The following CLVS1 variants were observed in gnomAD, a reference collection of about 807,000 sequenced individuals.
CLVS1 encodes the protein clavesin-1.
In CLVS1, 10 loss-of-function variants were observed where a neutral mutation model predicts 33.1. That is an observed-to-expected ratio of 0.30 (90% CI 0.19 to 0.51). CLVS1 has a LOEUF of 0.51. CLVS1 is among the 20% of genes least tolerant of loss of function. The probability of loss-of-function intolerance (pLI) is 0.97; values close to 1 mark genes in which losing one functional copy is unlikely to be tolerated. For synonymous variants in CLVS1, 163 were observed against 166.1 expected (o/e 0.98, Z 0.14); for missense variants, 343 against 433.4 (o/e 0.79, Z 1.85).
At chr8:61,143,017 GTTTTCTC>G (rs1806338436) in intron 2 of CLVS1, among the ~76,000 whole-genome samples, 1 of 152,100 alleles carries the variant, frequency 6.6e-6, no homozygotes, top group Non-Finnish European at 1.5e-5. Context: ...GAGTTAAATT[GTTTTCTC>G]TTCAGCTATT....
At chr8:61,251,674 C>T (rs1808952101) in intron 2 of CLVS1, among the ~76,000 whole-genome samples, 1 of 152,104 alleles carries the variant, frequency 6.6e-6, no homozygotes, top group African/African-American at 2.4e-5. Flanking sequence ...TTATCCATTT[C>T]TTCTATGTTT....
At chr8:61,299,212 G>A (rs940728471) in intron 1 of CLVS1, among the ~76,000 whole-genome samples, 1 of 152,146 alleles carries the variant, frequency 6.6e-6, no homozygotes, top group Non-Finnish European at 1.5e-5. Context: ...AGTGGGGGAA[G>A]GGTTATTTCT....
chr8:61,331,875 A>G (rs187043302), intron 2 of CLVS1, among the ~76,000 whole-genome samples: 63 of 136,494 alleles, frequency 4.6e-4, no homozygotes, highest in Non-Finnish European at 4.8e-4. Context: ...CTTTTCCTGT[A>G]AGCTTGTTTG....
intron 1 of CLVS1, among the ~76,000 whole-genome samples, chr8:61,113,334 C>T (rs992543455): frequency 6.6e-6 from 1 of 152,130 alleles, no homozygotes; most frequent in Non-Finnish European, 1.5e-5. Flanking sequence ...GCTGCTGAGT[C>T]CTAGAGAATG....
chr8:61,170,522 T>C (rs1348855628), intron 2 of CLVS1, among the ~76,000 whole-genome samples: 1 of 152,222 alleles, frequency 6.6e-6, no homozygotes, highest in East Asian at 1.9e-4. Context: ...AAGAATTCCT[T>C]ATATGGTGCC....
At chr8:61,102,801 G>A (rs1805474175) in intron 1 of CLVS1, among the ~76,000 whole-genome samples, 2 of 152,196 alleles carry the variant, frequency 1.3e-5, no homozygotes, top group African/African-American at 4.8e-5. Context: ...AGAAAGAGAA[G>A]TGAGAGGAAA....
chr8:61,034,993 CT>C, the CLVS1 span, among the ~76,000 whole-genome samples: 2 of 152,188 alleles, frequency 1.3e-5, no homozygotes, highest in South Asian at 4.2e-4. Context: ...GAAAAGCGTC[CT>C]TGAGGGTGAA....
At chr8:61,278,216 C>T (rs1019257303) in intron 2 of CLVS1, among the ~76,000 whole-genome samples, 1 of 152,190 alleles carries the variant, frequency 6.6e-6, no homozygotes, top group Non-Finnish European at 1.5e-5. Context: ...TCTGATCTCC[C>T]ACAATAAACA....
At chr8:61,304,241 C>T (rs1810535047) in intron 2 of CLVS1, among the ~76,000 whole-genome samples, 1 of 152,152 alleles carries the variant, frequency 6.6e-6, no homozygotes, top group Non-Finnish European at 1.5e-5. Context: ...CATCTGGACC[C>T]AGACACATGG....
At chr8:61,151,839 C>T (rs1011727663) in intron 2 of CLVS1, among the ~76,000 whole-genome samples, 2 of 152,126 alleles carry the variant, frequency 1.3e-5, no homozygotes, top group African/African-American at 4.8e-5. Flanking sequence ...AAATATAAGG[C>T]CCCTTCCTTG....
intron 2 of CLVS1, among the ~76,000 whole-genome samples, chr8:61,251,281 A>T (rs753290607): frequency 6.6e-6 from 1 of 152,122 alleles, no homozygotes; most frequent in Non-Finnish European, 1.5e-5. Flanking sequence ...CATCATGTGG[A>T]TAAGTTTTTG....
intron 2 of CLVS1, among the ~76,000 whole-genome samples, chr8:61,346,802 G>A (rs967810446): frequency 7.2e-5 from 11 of 152,158 alleles, no homozygotes; most frequent in African/African-American, 2.7e-4. Flanking sequence ...ATCTAACTGT[G>A]TAAGCACAAA....
At chr8:61,184,342 C>T (rs907158849) in intron 2 of CLVS1, among the ~76,000 whole-genome samples, 7 of 152,176 alleles carry the variant, frequency 4.6e-5, no homozygotes, top group African/African-American at 1.4e-4. Flanking sequence ...TTTCCAAAGG[C>T]TTAATCCTGT....
intron 2 of CLVS1, among the ~76,000 whole-genome samples, chr8:61,234,380 C>G (rs1447784530): frequency 6.6e-6 from 1 of 152,158 alleles, no homozygotes; most frequent in Non-Finnish European, 1.5e-5. Flanking sequence ...ATCACAATAG[C>G]TTACATTTCC....
chr8:61,357,457 C>G (rs1165543207), intron 2 of CLVS1, among the ~76,000 whole-genome samples: 1 of 116,388 alleles, frequency 8.6e-6, no homozygotes, highest in Non-Finnish European at 1.9e-5. Context: ...TTTGCCAGGA[C>G]GTTTTTTTTT....
chr8:61,406,905 G>C (rs1025531771), intron 3 of CLVS1, among the ~76,000 whole-genome samples: 2 of 152,132 alleles, frequency 1.3e-5, no homozygotes, highest in Non-Finnish European at 2.9e-5. Context: ...TGCCGCGCCA[G>C]GCCGACATAA....
Position 61,483,855 on chromosome 8 carries a change from T to A in CLVS1, c.978-15600T>A, listed in dbSNP as rs1042317634. Among the ~76,000 whole-genome samples the A allele has an allele frequency of 1.2e-4, 18 of 152,166 alleles. 1 individual carries two copies. The highest frequency in any genetic ancestry group is 2.9e-5 in the Non-Finnish European group (2 of 68,036). On this transcript the variant is annotated intron_variant, in intron 5 of 5. Transcript: ENST00000325897. ...AGAACCAAAGACAAAAACCACATGATTATCTCAATAGATGCAGAAAAGGCT... is the reference window on the plus strand; with the variant it reads ...AGAACCAAAGACAAAAACCACATGAATATCTCAATAGATGCAGAAAAGGCT...
chr8:61,288,189 T>G, intron 1 of CLVS1, 51 bp downstream of exon 1: 2 of 456,330 alleles, frequency 4.4e-6, no homozygotes, highest in Non-Finnish European at 8.8e-6. Flanking sequence ...CTCCCCGCCT[T>G]TCCCCCGCTC....
chr8:61,257,105 G>A (rs899721814), intron 2 of CLVS1, among the ~76,000 whole-genome samples: 1 of 152,140 alleles, frequency 6.6e-6, no homozygotes, highest in Non-Finnish European at 1.5e-5. Flanking sequence ...TTATAATGGG[G>A]TAAAATCAAT....
Sources: gnomAD v4.1 joint callset for allele counts (sites outside exome capture counted in the v4.1 genomes callset) on GRCh38, gnomAD v4.1.1 for gene constraint, MANE v1.5 for transcripts, NCBI Gene and HGNC (gene_info 2026-07-23, HGNC 2026-07-21) for gene names.